The following PRKRA variants were observed in gnomAD, a reference collection of about 807,000 sequenced individuals.
PRKRA encodes the protein protein activator of interferon induced protein kinase EIF2AK2.
PRKRA carries 22 observed loss-of-function variants against 32.4 expected under a neutral mutation model. That is an observed-to-expected ratio of 0.68 (90% CI 0.49 to 0.97). The LOEUF is 0.97. Ranked by LOEUF, PRKRA falls within the 50% of genes least tolerant of loss-of-function variation. The pLI is 0.00. For missense variants in PRKRA, 319 were observed against 375.6 expected (o/e 0.85, Z 1.25); for synonymous variants, 139 against 129.8 (o/e 1.07, Z -0.48).
intron 3 of PRKRA, chr2:178,445,623 A>T (rs1163847779): frequency 2.6e-5 from 4 of 154,480 alleles, no homozygotes; most frequent in Middle Eastern, 1.0e-3. Context: ...CATACCCCTC[A>T]TTTCTACAAA....
At position 178,448,136 on chromosome 2, in the gene PRKRA, T is replaced by C. The variant is rs192199140; in HGVS notation, c.236-550A>G. 8.0e-4 allele frequency among the ~76,000 whole-genome samples: 122 copies of C among 152,338 alleles called. 1 individual carries two copies. The highest frequency in any genetic ancestry group is 2.8e-3 in the African/African-American group (116 of 41,586). ...TGTGTTGGGTACAACAGGAAAGAGT[T>C]TTATGGAATAAGGTGACAGCTTGTT... On this transcript the variant is annotated intron_variant, in intron 2 of 7. Transcript: ENST00000325748.
intron 5 of PRKRA, among the ~76,000 whole-genome samples, chr2:178,442,990 G>A (rs1303342984): frequency 1.3e-5 from 2 of 152,096 alleles, no homozygotes; most frequent in African/African-American, 4.8e-5. Context: ...GGTTTTTTAA[G>A]TCAGTAATTT....
At chr2:178,450,524 C>T in intron 1 of PRKRA, 113 bp from the exon 2 acceptor site, 1 of 1,542,048 alleles carries the variant, frequency 6.5e-7, no homozygotes, top group Non-Finnish European at 8.8e-7. Context: ...CCGAGTTCCC[C>T]GGAGGCCAGG....
chr2:178,450,705 C>T, intron 1 of PRKRA: 2 of 1,399,810 alleles, frequency 1.4e-6, no homozygotes, highest in Admixed American at 3.1e-5. Context: ...CAGGGAAAAC[C>T]TGACGATCCC....
chr2:178,450,766 A>T (rs1463542222), intron 1 of PRKRA, 200 bp downstream of exon 1: 2 of 1,342,058 alleles, frequency 1.5e-6, no homozygotes, highest in Non-Finnish European at 1.9e-6. Context: ...GCGCGCCGCC[A>T]GGGACCACGA....
chr2:178,450,037 G>T (rs1370083711), intron 2 of PRKRA: 4 of 695,592 alleles, frequency 5.8e-6, no homozygotes, highest in Admixed American at 2.6e-5. Flanking sequence ...TAGTTTCTAA[G>T]CTTCCTTGGT....
In PRKRA at chr2:178,443,527, T is replaced by G; in HGVS notation, c.397-143A>C. 3 of 643,984 alleles carry G rather than the reference T, an allele frequency of 4.7e-6. No homozygotes were observed. The South Asian group carries it at 5.2e-5, about 11-fold the overall frequency. The allele number at this position is 643,984 out of a possible 1,614,324, so 39.9% of individuals were successfully genotyped here. A position where few individuals can be genotyped will look rare whatever the true frequency, so the allele number is the denominator to read the frequency against. Reference sequence around the variant, plus strand: ...GCAACAGAAAAAAGAGGGAAGACCCTCTATTTCTCAAAGACATTCCCGCAT... The same window carrying G: ...GCAACAGAAAAAAGAGGGAAGACCCGCTATTTCTCAAAGACATTCCCGCAT... On this transcript the variant is annotated intron_variant, in intron 4 of 7. Coordinates refer to ENST00000325748, the MANE Select transcript of PRKRA (RefSeq NM_003690.5).
intron 6 of PRKRA, chr2:178,440,362 A>G (rs2154124986): frequency 6.6e-6 from 1 of 152,306 alleles, no homozygotes; most frequent in South Asian, 2.1e-4. Flanking sequence ...CACTACTCTC[A>G]GATAATGTAC....
chr2:178,443,500 C>CTTT, intron 4 of PRKRA, 116 bp from the exon 5 acceptor site: 1 of 612,094 alleles, frequency 1.6e-6, no homozygotes, highest in Non-Finnish European at 2.9e-6. Flanking sequence ...TAGTGATATT[C>CTTT]TGCAACAGAA....
Position 178,431,982 on chromosome 2 carries a change from T to C in PRKRA, c.*115A>G, listed in dbSNP as rs547655734. On this transcript the variant is annotated 3_prime_UTR_variant, in exon 8 of 8. Transcript: ENST00000325748. ...AATTAAATCTGGAGTGTTGATGGAATCTATGAAGAGATTTAGAAACAAGAC... is the reference window on the plus strand; with the variant it reads ...AATTAAATCTGGAGTGTTGATGGAACCTATGAAGAGATTTAGAAACAAGAC... 1.8e-5 allele frequency: 22 copies of C among 1,233,542 alleles called. No homozygotes were observed. Among genetic ancestry groups the C allele is most frequent in the Non-Finnish European group, 4.6e-6 (4 of 862,932 alleles). The allele number at this position is 1,233,542 out of a possible 1,614,324, so 76.4% of individuals were successfully genotyped here. A position where few individuals can be genotyped will look rare whatever the true frequency, so the allele number is the denominator to read the frequency against.
intron 2 of PRKRA, among the ~76,000 whole-genome samples, chr2:178,448,313 A>G (rs1575099960): frequency 6.6e-6 from 1 of 152,230 alleles, no homozygotes; most frequent in South Asian, 2.1e-4. Flanking sequence ...CCCTCATGGA[A>G]TAAGTTTCAA....
At chr2:178,438,219 G>A (rs1696979444) in intron 6 of PRKRA, among the ~76,000 whole-genome samples, 1 of 152,130 alleles carries the variant, frequency 6.6e-6, no homozygotes, top group Non-Finnish European at 1.5e-5. Context: ...ACTCTTCCAT[G>A]TTTCCTAATA....
chr2:178,447,994 C>G (rs1186569886), intron 2 of PRKRA, among the ~76,000 whole-genome samples: 1 of 152,154 alleles, frequency 6.6e-6, no homozygotes, highest in African/African-American at 2.4e-5. Flanking sequence ...CAAGAAGTTT[C>G]TTTTAAAGGA....
Position 178,434,594 on chromosome 2 carries a change from C to G in PRKRA, c.784+1551G>C, listed in dbSNP as rs537137185. Among the ~76,000 whole-genome samples the G allele has an allele frequency of 5.9e-5, 9 of 152,040 alleles. 1 individual carries two copies. The South Asian group carries it at 1.5e-3, about 25-fold the overall frequency. On this transcript the variant is annotated intron_variant, in intron 7 of 7. Transcript: ENST00000325748. ...CCACCACACCCAGCTAATTTTTCAT[C>G]AGCCACCTTTTCTAACCATCTGTCT...
chr2:178,450,688 A>T, intron 1 of PRKRA: 1 of 1,414,802 alleles, frequency 7.1e-7, no homozygotes, highest in Non-Finnish European at 9.2e-7. Context: ...GCAGCGCCGC[A>T]GCCTCTCAGG....
intron 3 of PRKRA, chr2:178,445,578 T>G (rs1418705485): frequency 1.3e-5 from 2 of 154,614 alleles, no homozygotes; most frequent in Non-Finnish European, 2.9e-5. Flanking sequence ...TAGCTTTTTT[T>G]GCTGACAAAG....
intron 6 of PRKRA, among the ~76,000 whole-genome samples, chr2:178,436,848 G>A (rs999117242): frequency 6.6e-6 from 1 of 152,098 alleles, no homozygotes; most frequent in Non-Finnish European, 1.5e-5. Context: ...ATGACAGGAT[G>A]TCAAAAAGTT....
intron 6 of PRKRA, chr2:178,439,421 ACT>A (rs1697031792): frequency 6.6e-6 from 1 of 152,086 alleles, no homozygotes; most frequent in African/African-American, 2.4e-5. Context: ...TACCTACATA[ACT>A]CTGGGCAATA....
Position 178,431,983 on chromosome 2 carries a change from C to T in PRKRA, c.*114G>A, listed in dbSNP as rs1437932847. Reference sequence around the variant, plus strand: ...ATTAAATCTGGAGTGTTGATGGAATCTATGAAGAGATTTAGAAACAAGACA... The same window carrying T: ...ATTAAATCTGGAGTGTTGATGGAATTTATGAAGAGATTTAGAAACAAGACA... On this transcript the variant is annotated 3_prime_UTR_variant, in exon 8 of 8. Coordinates refer to ENST00000325748, the MANE Select transcript of PRKRA (RefSeq NM_003690.5). 2.4e-6 allele frequency: 3 copies of T among 1,241,694 alleles called. No homozygotes were observed. The highest frequency in any genetic ancestry group is 3.4e-6 in the Non-Finnish European group (3 of 870,074). The allele number at this position is 1,241,694 out of a possible 1,614,324, so 76.9% of individuals were successfully genotyped here. A position where few individuals can be genotyped will look rare whatever the true frequency, so the allele number is the denominator to read the frequency against.
Sources: allele counts gnomAD v4.1 joint callset (sites outside exome capture counted in the v4.1 genomes callset), GRCh38; gene constraint gnomAD v4.1.1; transcripts MANE v1.5; gene names NCBI Gene and HGNC (gene_info 2026-07-23, HGNC 2026-07-21).